The following SLC14A2 variants were observed in gnomAD, a reference collection of about 807,000 sequenced individuals.
SLC14A2 encodes the protein solute carrier family 14 member 2.
SLC14A2 carries 91 observed loss-of-function variants against 104.6 expected under a neutral mutation model. That is an observed-to-expected ratio of 0.87 (90% confidence interval 0.73 to 1.04). SLC14A2 has a LOEUF of 1.04. Among genes scored for constraint, SLC14A2 ranks in the 50% least tolerant of loss-of-function variants. The pLI, the probability that SLC14A2 is intolerant of heterozygous loss-of-function variation, is 0.00. For synonymous variants in SLC14A2, 476 were observed against 466.4 expected (o/e 1.02, Z -0.27); for missense variants, 1,189 against 1,156.0 (o/e 1.03, Z -0.41).
intron 5 of SLC14A2, chr18:45,634,999 A>G (rs1020952214): frequency 5.7e-6 from 2 of 351,586 alleles, no homozygotes; most frequent in Admixed American, 3.8e-5. Context: ...TAGAGGCAAT[A>G]TAACTTGTTG....
intron 2 of SLC14A2, among the ~76,000 whole-genome samples, chr18:45,496,604 A>G (rs2043102584): frequency 6.6e-6 from 1 of 152,180 alleles, no homozygotes; most frequent in Non-Finnish European, 1.5e-5. Flanking sequence ...CATCTCTAGC[A>G]AAAATACAAA....
At chr18:45,400,715 T>G (rs1159160095) in intron 1 of SLC14A2, among the ~76,000 whole-genome samples, 1 of 152,232 alleles carries the variant, frequency 6.6e-6, no homozygotes, top group East Asian at 1.9e-4. Context: ...CCATCATTCC[T>G]TCTACAGTTA....
At chr18:45,500,996 A>G (rs960555017) in intron 2 of SLC14A2, among the ~76,000 whole-genome samples, 1 of 152,242 alleles carries the variant, frequency 6.6e-6, no homozygotes. Context: ...GGCTCCACAT[A>G]CAAGGGCAGG....
chr18:45,659,966 A>G (rs2045909581), intron 10 of SLC14A2, among the ~76,000 whole-genome samples: 1 of 151,160 alleles, frequency 6.6e-6, no homozygotes, highest in South Asian at 2.1e-4. Context: ...CTCTACAAAA[A>G]AAAAAAAAAA....
At chr18:45,227,790 C>T (rs760348475) in intron 1 of SLC14A2, among the ~76,000 whole-genome samples, 2 of 152,158 alleles carry the variant, frequency 1.3e-5, no homozygotes, top group Non-Finnish European at 2.9e-5. Context: ...ATCCAGAAAG[C>T]CAAGCTTCAT....
chr18:45,196,623 C>G, the SLC14A2 span, among the ~76,000 whole-genome samples: 3 of 152,146 alleles, frequency 2.0e-5, no homozygotes, highest in Admixed American at 1.3e-4. Context: ...TGATTATAGA[C>G]CATCTGAAGG....
intron 1 of SLC14A2, among the ~76,000 whole-genome samples, chr18:45,424,797 C>T (rs565433569): frequency 1.3e-5 from 2 of 152,198 alleles, no homozygotes; most frequent in Non-Finnish European, 2.9e-5. Flanking sequence ...AGTCACAGGC[C>T]TTTTCCAACT....
chr18:45,513,960 C>T lies in SLC14A2; in HGVS notation c.-35+30638C>T, dbSNP rs574503422. 5.9e-4 allele frequency among the ~76,000 whole-genome samples: 90 copies of T among 152,258 alleles called. 1 individual carries two copies. The highest frequency in any genetic ancestry group is 2.0e-3 in the African/African-American group (82 of 41,562). The stretch of plus-strand genomic sequence containing the variant: ...TGGAATAGTGAAAAATTCTGCCATT[C>T]ATGTTAATTTTCAGGTAGAGATCCT... On this transcript the variant is annotated intron_variant, in intron 2 of 20. Transcript: ENST00000586448.
At chr18:45,360,895 A>T (rs2085603443) in intron 1 of SLC14A2, among the ~76,000 whole-genome samples, 1 of 152,190 alleles carries the variant, frequency 6.6e-6, no homozygotes, top group South Asian at 2.1e-4. Context: ...TATCTGAAAC[A>T]TTCCCCCATC....
chr18:45,319,357 A>G (rs1319406356), intron 1 of SLC14A2, among the ~76,000 whole-genome samples: 1 of 152,246 alleles, frequency 6.6e-6, no homozygotes, highest in Admixed American at 6.5e-5. Context: ...AGCATCTCAC[A>G]TAGCGCCAGC....
At chr18:45,417,649 G>T (rs961733042) in intron 1 of SLC14A2, among the ~76,000 whole-genome samples, 22 of 152,154 alleles carry the variant, frequency 1.4e-4, no homozygotes, top group African/African-American at 5.1e-4. Flanking sequence ...GACATGTGAA[G>T]ATTATGGGGA....
chr18:45,501,680 A>G (rs117487777), intron 2 of SLC14A2, among the ~76,000 whole-genome samples: 58 of 152,306 alleles, frequency 3.8e-4, no homozygotes, highest in Admixed American at 7.2e-4. Context: ...TCAAGGTCCG[A>G]TAATGAATTA....
the SLC14A2 span, among the ~76,000 whole-genome samples, chr18:45,169,828 C>T: frequency 6.6e-6 from 1 of 152,134 alleles, no homozygotes. Flanking sequence ...TTATTCTTTC[C>T]ACTTGCACCA....
chr18:45,512,477 C>T (rs1294025446), intron 2 of SLC14A2, among the ~76,000 whole-genome samples: 1 of 152,124 alleles, frequency 6.6e-6, no homozygotes, highest in African/African-American at 2.4e-5. Context: ...AGAGAGGCTT[C>T]CAGATGCCTT....
At chr18:45,461,330 G>A (rs1356899774) in intron 1 of SLC14A2, among the ~76,000 whole-genome samples, 1 of 152,174 alleles carries the variant, frequency 6.6e-6, no homozygotes, top group Non-Finnish European at 1.5e-5. Context: ...TGGACCATGT[G>A]AGGATGAACC....
At chr18:45,345,922 T>G (rs933925727) in intron 1 of SLC14A2, among the ~76,000 whole-genome samples, 5 of 152,196 alleles carry the variant, frequency 3.3e-5, no homozygotes, top group South Asian at 2.1e-4. Context: ...CAATTTATAC[T>G]CCCACTAACA....
chr18:45,304,460 G>A (rs1361069781), intron 1 of SLC14A2, among the ~76,000 whole-genome samples: 1 of 152,182 alleles, frequency 6.6e-6, no homozygotes, highest in Non-Finnish European at 1.5e-5. Context: ...GAAGGGATAG[G>A]CAAGTCTGCA....
At chr18:45,308,087 C>T (rs1021118949) in intron 1 of SLC14A2, among the ~76,000 whole-genome samples, 1 of 152,094 alleles carries the variant, frequency 6.6e-6, no homozygotes, top group Non-Finnish European at 1.5e-5. Context: ...CACTCATTAC[C>T]ACGAGGAGGG....
intron 1 of SLC14A2, among the ~76,000 whole-genome samples, chr18:45,255,171 T>A (rs957183720): frequency 2.0e-5 from 3 of 152,214 alleles, no homozygotes; most frequent in Non-Finnish European, 2.9e-5. Flanking sequence ...TCTCTGCATC[T>A]TTTCCGGCTC....
Sources: gnomAD v4.1 joint callset for allele counts (sites outside exome capture counted in the v4.1 genomes callset) on GRCh38, gnomAD v4.1.1 for gene constraint, MANE v1.5 for transcripts, NCBI Gene and HGNC (gene_info 2026-07-23, HGNC 2026-07-21) for gene names.